TMC1: variants seen among roughly 807,000 people sequenced by gnomAD.
TMC1 encodes transmembrane channel-like protein 1.
A neutral mutation model predicts 105.8 loss-of-function variants in TMC1; 84 were observed. The observed-to-expected ratio is 0.79, with a 90% confidence interval of 0.67 to 0.95. TMC1 has a LOEUF of 0.95. Among genes scored for constraint, TMC1 ranks in the 40% least tolerant of loss-of-function variants. The pLI, the probability that TMC1 is intolerant of heterozygous loss-of-function variation, is 0.00. For missense variants in TMC1, 817 were observed against 914.1 expected, an observed-to-expected ratio of 0.89 and a Z score of 1.37; for synonymous variants, 315 against 311.5, an observed-to-expected ratio of 1.01 and a Z score of -0.12.
At chr9:72,634,942 A>G (rs1198002318) in intron 4 of TMC1, among the ~76,000 whole-genome samples, 1 of 152,200 alleles carries the variant, frequency 6.6e-6, no homozygotes, top group East Asian at 1.9e-4. Context: ...CCATGTGTTC[A>G]GCAACCTGGA....
intron 23 of TMC1, among the ~76,000 whole-genome samples, chr9:72,831,900 G>A (rs35126449): frequency 0.041 from 6,231 of 151,728 alleles, 162 homozygotes; most frequent in African/African-American, 0.05. Flanking sequence ...ATAAACATAC[G>A]TGTGCATGTG....
intron 5 of TMC1, among the ~76,000 whole-genome samples, chr9:72,651,940 T>C (rs1485678618): frequency 6.6e-6 from 1 of 152,098 alleles, no homozygotes; most frequent in Non-Finnish European, 1.5e-5. Flanking sequence ...CCAAAGTCCA[T>C]TGTAACATTC....
At chr9:72,803,263 C>A (rs1251831609) in intron 17 of TMC1, among the ~76,000 whole-genome samples, 2 of 151,764 alleles carry the variant, frequency 1.3e-5, no homozygotes, top group East Asian at 3.9e-4. Context: ...ATATAAAAGC[C>A]AAAACTATAA....
chr9:72,765,790 G>A (rs1468355288), intron 12 of TMC1, among the ~76,000 whole-genome samples: 1 of 152,188 alleles, frequency 6.6e-6, no homozygotes, highest in Non-Finnish European at 1.5e-5. Flanking sequence ...CTATGTTCAT[G>A]CTTCCTATGA....
intron 3 of TMC1, among the ~76,000 whole-genome samples, chr9:72,621,503 G>A (rs1164163241): frequency 6.6e-6 from 1 of 152,102 alleles, no homozygotes; most frequent in Non-Finnish European, 1.5e-5. Context: ...AGAATCAAAT[G>A]TTGCTTGTGA....
chr9:72,826,997 A>G lies in TMC1; in HGVS notation c.2129+3A>G. On this transcript the variant is annotated splice_donor_region_variant and intron_variant, in intron 21 of 23. Transcript: ENST00000297784. The stretch of plus-strand genomic sequence containing the variant: ...ATTGCTGTCATTTTGGTGATGGTGT[A>G]TGTGCTTTTCCTCCTCATAGAAAGA... 6.2e-7 allele frequency: 1 copy of G among 1,613,918 alleles called. No individual in the cohort carries two copies. Among genetic ancestry groups the G allele is most frequent in the Non-Finnish European group, 8.5e-7 (1 of 1,179,848 alleles).
Position 72,786,093 on chromosome 9 carries a change from A to G in TMC1, c.885-2246A>G, listed in dbSNP as rs532773875. Among the ~76,000 whole-genome samples, 23 of 152,314 alleles carry G rather than the reference A, an allele frequency of 1.5e-4. No homozygotes were observed. The South Asian group carries it at 4.8e-3, about 32-fold the overall frequency. ...TCCACATGCACCCATGAAATAACCA[A>G]ATGACCTCAGGGTATAAATGGAGCT... is the stretch of plus-strand genomic sequence containing the variant. On this transcript the variant is annotated intron_variant, in intron 13 of 23. Coordinates refer to ENST00000297784, the MANE Select transcript of TMC1 (RefSeq NM_138691.3).
chr9:72,754,541 G>A (rs950526635), intron 11 of TMC1, among the ~76,000 whole-genome samples: 1 of 152,156 alleles, frequency 6.6e-6, no homozygotes, highest in Non-Finnish European at 1.5e-5. Context: ...AAAGCCCTCT[G>A]GGGAATGTGG....
chr9:72,689,293 C>T (rs1217621672), intron 6 of TMC1, among the ~76,000 whole-genome samples: 1 of 152,096 alleles, frequency 6.6e-6, no homozygotes, highest in Non-Finnish European at 1.5e-5. Context: ...GTCTTATGAT[C>T]TACACTCAAA....
chr9:72,692,418 A>G (rs1322801625), intron 6 of TMC1, among the ~76,000 whole-genome samples: 2 of 152,172 alleles, frequency 1.3e-5, no homozygotes, highest in African/African-American at 4.8e-5. Flanking sequence ...TCTAGGGTTC[A>G]GGCACCTTTC....
At chr9:72,584,353 C>T (rs1824519663) in intron 2 of TMC1, among the ~76,000 whole-genome samples, 1 of 151,476 alleles carries the variant, frequency 6.6e-6, no homozygotes, top group South Asian at 2.1e-4. Context: ...GCAACCTCCA[C>T]CTTCAGGGCT....
At chr9:72,763,487 G>A (rs1361953681) in intron 12 of TMC1, among the ~76,000 whole-genome samples, 1 of 152,204 alleles carries the variant, frequency 6.6e-6, no homozygotes, top group Non-Finnish European at 1.5e-5. Context: ...ACCTGATGTG[G>A]TTTAGGAGCT....
rs1587935356 is a variant in TMC1, at chr9:72,521,698, A to T, written c.-643A>T. 6.6e-6 allele frequency: 1 copy of T among 151,934 alleles called. No homozygotes were observed. Among genetic ancestry groups the T allele is most frequent in the South Asian group, 2.1e-4 (1 of 4,818 alleles). The allele number at this position is 151,934 out of a possible 1,614,324, so 9.4% of individuals were successfully genotyped here. On this transcript the variant is annotated 5_prime_UTR_variant, in exon 1 of 24. Transcript: ENST00000297784. ...GCGGAGGTTGCAGTGAGCTGAAATC[A>T]CGCCATTGCGCTCCAGCCTGGGTGA...
chr9:72,775,540 C>T (rs1307404221), intron 13 of TMC1, among the ~76,000 whole-genome samples: 1 of 152,174 alleles, frequency 6.6e-6, no homozygotes, highest in African/African-American at 2.4e-5. Context: ...TATTTTACAG[C>T]AGCTAAACTA....
At chr9:72,765,278 G>C (rs1827811690) in intron 12 of TMC1, among the ~76,000 whole-genome samples, 1 of 151,976 alleles carries the variant, frequency 6.6e-6, no homozygotes, top group Non-Finnish European at 1.5e-5. Flanking sequence ...GCCTTTCCTG[G>C]TGTGCAGTGA....
chr9:72,634,048 A>G (rs1825492196), intron 4 of TMC1, among the ~76,000 whole-genome samples: 1 of 152,178 alleles, frequency 6.6e-6, no homozygotes, highest in Non-Finnish European at 1.5e-5. Flanking sequence ...TGCCTCCCCA[A>G]GAGCTCAGGG....
chr9:72,569,886 G>T (rs574713632), intron 1 of TMC1, among the ~76,000 whole-genome samples: 6 of 152,242 alleles, frequency 3.9e-5, no homozygotes, highest in African/African-American at 9.6e-5. Flanking sequence ...GATTCCAAGG[G>T]TTAAGTCCTG....
At chr9:72,835,915 G>GTTTTTTCTTTT in intron 23 of TMC1, 36 bp from the exon 24 acceptor site, 1 of 1,314,682 alleles carries the variant, frequency 7.6e-7, no homozygotes, top group Admixed American at 2.2e-5. Context: ...CTCTCTCCTT[G>GTTTTTTCTTTT]TTTTTTTTTT....
chr9:72,788,291 C>T (rs1366250434), intron 13 of TMC1, 48 bp from the exon 14 acceptor site: 1 of 1,609,910 alleles, frequency 6.2e-7, no homozygotes, highest in Non-Finnish European at 8.5e-7. Flanking sequence ...TGCTATTTCC[C>T]CTATCTCATT....
Sources: allele counts gnomAD v4.1 joint callset (sites outside exome capture counted in the v4.1 genomes callset), GRCh38; gene constraint gnomAD v4.1.1; transcripts MANE v1.5; gene names NCBI Gene and HGNC (gene_info 2026-07-23, HGNC 2026-07-21).